LARGE1: variants seen among roughly 807,000 people sequenced by gnomAD.
LARGE1 encodes xylosyl- and glucuronyltransferase LARGE1.
Under a neutral mutation model 87.6 loss-of-function variants are expected in LARGE1, and 43 were observed. The observed-to-expected ratio is 0.49, with a 90% CI of 0.38 to 0.63. The LOEUF (loss-of-function observed/expected upper bound fraction) is 0.63, where lower values mean the gene tolerates loss of function less well. LARGE1 is among the 30% of genes least tolerant of loss of function. LARGE1 has a pLI of 0.00. For synonymous variants in LARGE1, 434 were observed against 394.6 expected (o/e 1.10, Z -1.18); for missense variants, 802 against 1,000.2 (o/e 0.80, Z 2.67).
intron 6 of LARGE1, among the ~76,000 whole-genome samples, chr22:33,520,525 C>G (rs566360856): frequency 9.9e-5 from 15 of 152,226 alleles, no homozygotes; most frequent in Non-Finnish European, 1.8e-4. Flanking sequence ...CAGTGCTGAG[C>G]TGGGCCATCT....
At chr22:33,133,284 A>G in the LARGE1 span, among the ~76,000 whole-genome samples, 1 of 152,036 alleles carries the variant, frequency 6.6e-6, no homozygotes, top group Non-Finnish European at 1.5e-5. Context: ...GCACCCATCA[A>G]CCCGTCATCT....
intron 14 of LARGE1, among the ~76,000 whole-genome samples, chr22:33,275,383 G>A (rs1929035640): frequency 6.6e-6 from 1 of 152,296 alleles, no homozygotes; most frequent in African/African-American, 2.4e-5. Flanking sequence ...TGTCTGACAA[G>A]CTTTTGTTAT....
At chr22:33,596,955 T>C (rs988514713) in intron 5 of LARGE1, among the ~76,000 whole-genome samples, 1 of 152,220 alleles carries the variant, frequency 6.6e-6, no homozygotes, top group East Asian at 1.9e-4. Flanking sequence ...AACTGGGGGA[T>C]TCAGAAGGCC....
At chr22:33,373,972 C>CAAAA (rs35830988) in intron 9 of LARGE1, among the ~76,000 whole-genome samples, 6,971 of 59,382 alleles carry the variant, frequency 0.12, 695 homozygotes, top group African/African-American at 0.14. Context: ...GACTCCGTCT[C>CAAAA]AAAAAAAAAA....
intron 1 of LARGE1, among the ~76,000 whole-genome samples, chr22:33,901,994 C>A (rs1007518939): frequency 1.3e-5 from 2 of 152,194 alleles, no homozygotes; most frequent in African/African-American, 2.4e-5. Context: ...AATGAACACA[C>A]AAGCCACATT....
At chr22:33,899,991 T>C (rs1449028198) in intron 1 of LARGE1, among the ~76,000 whole-genome samples, 1 of 152,174 alleles carries the variant, frequency 6.6e-6, no homozygotes, top group Non-Finnish European at 1.5e-5. Flanking sequence ...CCCTAACCAT[T>C]GCAAGTTATT....
chr22:33,757,391 T>C (rs1418886866), intron 2 of LARGE1, among the ~76,000 whole-genome samples: 1 of 152,164 alleles, frequency 6.6e-6, no homozygotes, highest in South Asian at 2.1e-4. Flanking sequence ...AGCTTGTAGG[T>C]AGAATGTCGG....
chr22:33,564,662 T>A (rs970175261), intron 6 of LARGE1, among the ~76,000 whole-genome samples, 186 bp downstream of exon 6: 1 of 152,264 alleles, frequency 6.6e-6, no homozygotes, highest in Admixed American at 6.5e-5. Flanking sequence ...AACAAGTTTC[T>A]GTTTTACTCT....
chr22:33,660,084 GTGTGTGTT>G (rs1356725364), intron 2 of LARGE1, among the ~76,000 whole-genome samples: 3 of 115,076 alleles, frequency 2.6e-5, no homozygotes, highest in African/African-American at 8.5e-5. Flanking sequence ...GTGTGTGTGT[GTGTGTGTT>G]TTTTTTTTTT....
intron 5 of LARGE1, among the ~76,000 whole-genome samples, chr22:33,568,815 C>T (rs977163788): frequency 7.3e-6 from 1 of 136,350 alleles, no homozygotes; most frequent in Non-Finnish European, 1.6e-5. Flanking sequence ...ATAATAGGTA[C>T]AAAACACATA....
chr22:33,882,520 G>C lies in LARGE1; in HGVS notation c.-83+37475C>G, dbSNP rs1004111270. Among the ~76,000 whole-genome samples, 4 of 152,246 alleles carry C rather than the reference G, an allele frequency of 2.6e-5. No homozygotes were observed. In the East Asian group the frequency reaches 7.7e-4, roughly 29 times the overall value. ...CCAGCCAGGAGACCTCTCAGCAGGG[G>C]GGCATTGTTAAAGCTTAGGAAAAAC... On this transcript the variant is annotated intron_variant, in intron 1 of 14. Coordinates refer to ENST00000397394, the MANE Select transcript of LARGE1 (RefSeq NM_133642.5).
chr22:33,363,416 A>G (rs1310549988), intron 9 of LARGE1, among the ~76,000 whole-genome samples: 1 of 149,736 alleles, frequency 6.7e-6, no homozygotes, highest in Non-Finnish European at 1.5e-5. Flanking sequence ...ATGAGACCCA[A>G]GGGAAAAGGG....
chr22:33,283,991 G>A (rs767593633), intron 12 of LARGE1, among the ~76,000 whole-genome samples: 3 of 152,176 alleles, frequency 2.0e-5, no homozygotes, highest in Non-Finnish European at 4.4e-5. Context: ...AAAGCAAGTT[G>A]CTAAACACTT....
At chr22:33,070,642 G>A in the LARGE1 span, among the ~76,000 whole-genome samples, 1 of 152,190 alleles carries the variant, frequency 6.6e-6, no homozygotes, top group African/African-American at 2.4e-5. Context: ...GTGCAACCGT[G>A]AGAGCATAGC....
chr22:33,291,421 C>T (rs374719072), intron 12 of LARGE1, among the ~76,000 whole-genome samples: 1 of 152,130 alleles, frequency 6.6e-6, no homozygotes, highest in African/African-American at 2.4e-5. Flanking sequence ...CTCTATTCAG[C>T]ATTCCCTGAA....
chr22:33,909,317 C>T (rs560004168), intron 1 of LARGE1, among the ~76,000 whole-genome samples: 9 of 152,274 alleles, frequency 5.9e-5, no homozygotes, highest in African/African-American at 7.2e-5. Flanking sequence ...TCCAGCCTGG[C>T]GGCCCTTAGA....
intron 1 of LARGE1, among the ~76,000 whole-genome samples, chr22:33,806,915 C>G (rs1216393526): frequency 6.6e-6 from 1 of 152,118 alleles, no homozygotes; most frequent in African/African-American, 2.4e-5. Context: ...GAGGCTGAGG[C>G]AGGAGAATCG....
intron 7 of LARGE1, among the ~76,000 whole-genome samples, chr22:33,431,327 G>T (rs913331530): frequency 6.6e-6 from 1 of 152,172 alleles, no homozygotes; most frequent in Non-Finnish European, 1.5e-5. Context: ...GAACAAGAAG[G>T]GTTGATGGAT....
At chr22:33,466,725 C>CACA (rs1290873508) in intron 6 of LARGE1, among the ~76,000 whole-genome samples, 43 of 151,736 alleles carry the variant, frequency 2.8e-4, no homozygotes, top group African/African-American at 9.7e-4. Context: ...TACACACACA[C>CACA]ACTACACACA....
Sources: gnomAD v4.1 joint callset for allele counts (sites outside exome capture counted in the v4.1 genomes callset) on GRCh38, gnomAD v4.1.1 for gene constraint, MANE v1.5 for transcripts, NCBI Gene and HGNC (gene_info 2026-07-23, HGNC 2026-07-21) for gene names.